Variants in PLD5 observed in about 807,000 individuals in gnomAD.
PLD5 encodes phospholipase D family member 5, also known as inactive phospholipase D5.
In PLD5, 36 loss-of-function variants were observed where a neutral mutation model predicts 61.1. That is an observed-to-expected ratio of 0.59 (90% confidence interval 0.45 to 0.78). The LOEUF (loss-of-function observed/expected upper bound fraction) is 0.78, where lower values mean the gene tolerates loss of function less well. Ranked by LOEUF, PLD5 falls within the 30% of genes least tolerant of loss-of-function variation. The probability of loss-of-function intolerance (pLI) is 0.00; values close to 1 mark genes in which losing one functional copy is unlikely to be tolerated. For synonymous variants in PLD5, 243 were observed against 242.8 expected (o/e 1.00, Z -0.01); for missense variants, 515 against 644.4 (o/e 0.80, Z 2.17).
intron 2 of PLD5, among the ~76,000 whole-genome samples, chr1:242,290,528 G>A (rs372961803): frequency 1.2e-4 from 18 of 152,048 alleles, no homozygotes; most frequent in African/African-American, 3.6e-4. Context: ...TAATTTTGTC[G>A]CATTTGGGAG....
chr1:242,193,257 A>G (rs1668393854), intron 5 of PLD5, among the ~76,000 whole-genome samples: 1 of 151,932 alleles, frequency 6.6e-6, no homozygotes, highest in Non-Finnish European at 1.5e-5. Flanking sequence ...TGAGTAAGTC[A>G]CTGAAGATAA....
At chr1:242,227,121 T>A (rs969255986) in intron 4 of PLD5, among the ~76,000 whole-genome samples, 2 of 152,174 alleles carry the variant, frequency 1.3e-5, no homozygotes, top group Non-Finnish European at 2.9e-5. Flanking sequence ...CCAAATCCCA[T>A]GTGGTAGAGT....
At chr1:242,100,602 AG>A (rs1660604964) in intron 9 of PLD5, 65 bp downstream of exon 9, 1 of 1,180,728 alleles carries the variant, frequency 8.5e-7, no homozygotes, top group African/African-American at 1.5e-5. Flanking sequence ...GATACCGTGG[AG>A]CACAGCTGGA....
chr1:242,337,995 T>C (rs1659624872), intron 2 of PLD5, among the ~76,000 whole-genome samples: 4 of 152,212 alleles, frequency 2.6e-5, no homozygotes, highest in Non-Finnish European at 5.9e-5. Flanking sequence ...CTCTGAAGCA[T>C]AAACCCATTC....
chr1:242,133,643 C>T (rs928375191), intron 5 of PLD5, among the ~76,000 whole-genome samples: 3 of 152,094 alleles, frequency 2.0e-5, no homozygotes, highest in Admixed American at 6.6e-5. Context: ...TTCTTCCTCC[C>T]TTTCACTGTA....
chr1:242,156,818 A>C (rs1044875488), intron 5 of PLD5, among the ~76,000 whole-genome samples: 1 of 151,990 alleles, frequency 6.6e-6, no homozygotes, highest in Non-Finnish European at 1.5e-5. Context: ...GTTGAATGTG[A>C]CAATTATGTG....
At chr1:242,203,594 T>A (rs1558338702) in intron 5 of PLD5, 1 of 152,418 alleles carries the variant, frequency 6.6e-6, no homozygotes, top group East Asian at 1.9e-4. Context: ...TCTGATTGTT[T>A]AAAAGAGTGC....
intron 1 of PLD5, among the ~76,000 whole-genome samples, chr1:242,489,730 C>T (rs544682146): frequency 8.4e-4 from 128 of 152,224 alleles, no homozygotes; most frequent in South Asian, 3.1e-3. Flanking sequence ...TTCATTGTGG[C>T]AGTTTAGCCA....
chr1:242,371,456 C>T (rs930345584), intron 1 of PLD5, among the ~76,000 whole-genome samples: 4 of 152,020 alleles, frequency 2.6e-5, no homozygotes, highest in Admixed American at 6.6e-5. Context: ...TGAACAGAAG[C>T]GTACTGAATC....
At chr1:242,395,183 G>A (rs563226020) in intron 1 of PLD5, among the ~76,000 whole-genome samples, 3 of 151,050 alleles carry the variant, frequency 2.0e-5, no homozygotes, top group East Asian at 3.9e-4. Flanking sequence ...GTACTAAAAT[G>A]TGTTTACATT....
At chr1:242,163,949 G>C (rs746417442) in intron 5 of PLD5, among the ~76,000 whole-genome samples, 7 of 152,038 alleles carry the variant, frequency 4.6e-5, no homozygotes, top group Non-Finnish European at 1.0e-4. Flanking sequence ...CAGCAGATGT[G>C]AATAAGCCTC....
At chr1:242,487,487 T>C (rs183716551) in intron 1 of PLD5, among the ~76,000 whole-genome samples, 68 of 152,328 alleles carry the variant, frequency 4.5e-4, no homozygotes, top group Non-Finnish European at 6.3e-4. Flanking sequence ...GGTTTGGTGA[T>C]GACTTTTTAG....
At chr1:242,116,121 G>T (rs1000340567) in intron 6 of PLD5, among the ~76,000 whole-genome samples, 4 of 152,162 alleles carry the variant, frequency 2.6e-5, no homozygotes, top group African/African-American at 9.7e-5. Flanking sequence ...CCAAAAGGCT[G>T]AATAAACAGA....
upstream of PLD5, among the ~76,000 whole-genome samples, chr1:242,525,649 T>C (rs572096238): frequency 6.6e-6 from 1 of 152,262 alleles, no homozygotes; most frequent in African/African-American, 2.4e-5. Context: ...GCTTGGGAAG[T>C]GTATGGAAGC....
At chr1:242,195,238 C>A (rs1668563580) in intron 5 of PLD5, among the ~76,000 whole-genome samples, 1 of 152,194 alleles carries the variant, frequency 6.6e-6, no homozygotes, top group South Asian at 2.1e-4. Context: ...TGGTACAGGA[C>A]ACTGTCCTGG....
At chr1:242,354,080 A>G (rs1455894178) in intron 1 of PLD5, among the ~76,000 whole-genome samples, 2 of 152,026 alleles carry the variant, frequency 1.3e-5, no homozygotes, top group Non-Finnish European at 2.9e-5. Flanking sequence ...TCCTGGTCAC[A>G]AAACAAGATC....
intron 2 of PLD5, among the ~76,000 whole-genome samples, chr1:242,303,690 T>G (rs1676187835): frequency 6.6e-6 from 1 of 152,212 alleles, no homozygotes; most frequent in African/African-American, 2.4e-5. Flanking sequence ...AACTGAGGAC[T>G]TATCATCAAT....
intron 5 of PLD5, among the ~76,000 whole-genome samples, chr1:242,200,567 T>C (rs1028372935): frequency 2.0e-5 from 3 of 152,152 alleles, no homozygotes; most frequent in Non-Finnish European, 4.4e-5. Flanking sequence ...ATGTGGGATG[T>C]TACTATACAT....
intron 5 of PLD5, among the ~76,000 whole-genome samples, chr1:242,163,182 C>T (rs1453140276): frequency 2.1e-5 from 3 of 143,768 alleles, no homozygotes; most frequent in Non-Finnish European, 3.0e-5. Flanking sequence ...CTCACTCTGT[C>T]ACCCAGGCTG....
Sources: allele counts gnomAD v4.1 joint callset (sites outside exome capture counted in the v4.1 genomes callset), GRCh38; gene constraint gnomAD v4.1.1; transcripts MANE v1.5; gene names NCBI Gene and HGNC (gene_info 2026-07-23, HGNC 2026-07-21).